The following EPC2 variants were observed in gnomAD, a reference collection of about 807,000 sequenced individuals.
The protein encoded by EPC2 is enhancer of polycomb homolog 2.
Under a neutral mutation model 92.1 loss-of-function variants are expected in EPC2, and 14 were observed. The observed-to-expected ratio is 0.15, with a 90% CI of 0.10 to 0.24. EPC2 has a LOEUF of 0.24. Among genes scored for constraint, EPC2 ranks in the 10% least tolerant of loss-of-function variants. The pLI, the probability that EPC2 is intolerant of heterozygous loss-of-function variation, is 1.00. For missense variants in EPC2, 755 were observed against 971.5 expected (o/e 0.78, Z 2.96); for synonymous variants, 340 against 334.7 (o/e 1.02, Z -0.17).
chr2:148,682,825 G>A (rs1301848015), intron 1 of EPC2, among the ~76,000 whole-genome samples: 1 of 152,036 alleles, frequency 6.6e-6, no homozygotes, highest in Non-Finnish European at 1.5e-5. Flanking sequence ...AATTTGAAAG[G>A]GTATTGCAAG....
At chr2:148,690,565 A>G (rs13432318) in intron 2 of EPC2, among the ~76,000 whole-genome samples, 192 bp downstream of exon 2, 1 of 152,182 alleles carries the variant, frequency 6.6e-6, no homozygotes, top group South Asian at 2.1e-4. Context: ...TTTAAGTAAC[A>G]TTTGGAACAT....
chr2:148,774,624 T>TATTATATATATATATATATATA (rs935978031), intron 10 of EPC2, among the ~76,000 whole-genome samples: 1,850 of 132,186 alleles, frequency 0.014, 59 homozygotes, highest in East Asian at 0.082. Context: ...AAAATATATT[T>TATTATATATATATATATATATA]TATATATATA....
chr2:148,678,756 C>T (rs1558806694), intron 1 of EPC2, among the ~76,000 whole-genome samples: 1 of 152,248 alleles, frequency 6.6e-6, no homozygotes, highest in South Asian at 2.1e-4. Context: ...CCCTGGTGCC[C>T]ACTTGTGCCT....
At chr2:148,762,637 A>G (rs751952039) in intron 5 of EPC2, 33 bp from the exon 6 acceptor site, 1 of 1,487,862 alleles carries the variant, frequency 6.7e-7, no homozygotes, top group Non-Finnish European at 9.0e-7. Context: ...CAAACTATGC[A>G]ATGTTTTCTT....
chr2:148,769,026 C>A lies in EPC2; in HGVS notation c.1141-125C>A, dbSNP rs553285786. ...TAGTCATTGAATGTTTTGGGGAATTCAGTACTTATGATATGTAATATAGAA... is the reference window on the plus strand; with the variant it reads ...TAGTCATTGAATGTTTTGGGGAATTAAGTACTTATGATATGTAATATAGAA... On this transcript the variant is annotated intron_variant, in intron 7 of 13. Coordinates refer to ENST00000258484, the MANE Select transcript of EPC2 (RefSeq NM_015630.4). 4.8e-5 allele frequency: 32 copies of A among 659,816 alleles called. 1 individual carries two copies. The South Asian group carries it at 6.1e-4, about 13-fold the overall frequency. 40.9% of individuals were successfully genotyped at this position (659,816 alleles called of 1,614,324 possible).
At chr2:148,688,828 C>G (rs2105370713) in intron 1 of EPC2, among the ~76,000 whole-genome samples, 1 of 152,214 alleles carries the variant, frequency 6.6e-6, no homozygotes, top group East Asian at 1.9e-4. Flanking sequence ...ATTAACAAAA[C>G]AAGCAAAAAT....
intron 3 of EPC2, among the ~76,000 whole-genome samples, chr2:148,751,600 C>T (rs1387232738): frequency 2.0e-5 from 3 of 152,016 alleles, no homozygotes; most frequent in Non-Finnish European, 4.4e-5. Flanking sequence ...GTGACTCTCC[C>T]GAGTAGCTAG....
At chr2:148,718,472 A>T (rs1440697745) in intron 2 of EPC2, among the ~76,000 whole-genome samples, 1 of 152,074 alleles carries the variant, frequency 6.6e-6, no homozygotes, top group African/African-American at 2.4e-5. Context: ...TCTGAAAAGG[A>T]TCTTATTTTT....
chr2:148,647,127 A>G (rs1317850082), intron 1 of EPC2, among the ~76,000 whole-genome samples: 8 of 152,146 alleles, frequency 5.3e-5, no homozygotes, highest in African/African-American at 1.9e-4. Flanking sequence ...AACAAAAAAA[A>G]GGAAATCTGT....
intron 2 of EPC2, among the ~76,000 whole-genome samples, chr2:148,726,768 T>G (rs960977570): frequency 1.3e-5 from 2 of 149,978 alleles, no homozygotes; most frequent in South Asian, 2.1e-4. Flanking sequence ...GTTTTTTGTT[T>G]TTTTTTTTTT....
At chr2:148,739,150 T>G (rs182608364) in intron 2 of EPC2, among the ~76,000 whole-genome samples, 4 of 152,350 alleles carry the variant, frequency 2.6e-5, no homozygotes, top group African/African-American at 9.6e-5. Flanking sequence ...AAGTGTGCTT[T>G]CTAAACTTTT....
chr2:148,736,848 T>G (rs1682767882), intron 2 of EPC2, among the ~76,000 whole-genome samples: 1 of 151,984 alleles, frequency 6.6e-6, no homozygotes, highest in African/African-American at 2.4e-5. Flanking sequence ...GCCTGTAGTT[T>G]CAGCAGTTTG....
chr2:148,671,466 TAGTC>T (rs1435711453), intron 1 of EPC2, among the ~76,000 whole-genome samples: 1 of 151,966 alleles, frequency 6.6e-6, no homozygotes, highest in Non-Finnish European at 1.5e-5. Context: ...ATATAAAAAT[TAGTC>T]AGGCATGGTG....
chr2:148,653,823 G>C (rs1047530414), intron 1 of EPC2, among the ~76,000 whole-genome samples: 1 of 151,974 alleles, frequency 6.6e-6, no homozygotes, highest in African/African-American at 2.4e-5. Flanking sequence ...TTGTGATTTA[G>C]GTTCCAATCC....
chr2:148,776,929 C>T (rs541734970), intron 10 of EPC2, among the ~76,000 whole-genome samples: 15 of 146,714 alleles, frequency 1.0e-4, no homozygotes, highest in African/African-American at 3.5e-4. Context: ...GGCACGATTC[C>T]GGCTCACTGC....
rs1163646235 is a variant in EPC2, at chr2:148,676,441, CTTTAT to C, written c.154-13767_154-13763del. The stretch of plus-strand genomic sequence containing the variant: ...GCAATATTTTTATAACATTAAAAAA[CTTTAT>C]TTTATAACATTAATATAATTAAAAA... On this transcript the variant is annotated intron_variant, in intron 1 of 13. Transcript: ENST00000258484. Among the ~76,000 whole-genome samples the C allele has an allele frequency of 5.9e-5, 9 of 151,846 alleles. No homozygotes were observed. In the East Asian group the frequency reaches 1.5e-3, roughly 26 times the overall value.
At chr2:148,687,592 T>TA (rs1353749542) in intron 1 of EPC2, among the ~76,000 whole-genome samples, 1 of 152,244 alleles carries the variant, frequency 6.6e-6, no homozygotes, top group Non-Finnish European at 1.5e-5. Flanking sequence ...TGATTTAACT[T>TA]ATTCTGACAA....
chr2:148,760,183 G>T (rs559560380), intron 4 of EPC2, among the ~76,000 whole-genome samples: 174 of 152,252 alleles, frequency 1.1e-3, no homozygotes, highest in African/African-American at 4.1e-3. Context: ...CTTGAACCTG[G>T]GAGGCAGAGG....
At chr2:148,706,267 A>G (rs937779835) in intron 2 of EPC2, among the ~76,000 whole-genome samples, 1 of 152,054 alleles carries the variant, frequency 6.6e-6, no homozygotes, top group Non-Finnish European at 1.5e-5. Flanking sequence ...TGAAGATCAA[A>G]TGAATGAAAT....
Sources: gnomAD v4.1 joint callset for allele counts (sites outside exome capture counted in the v4.1 genomes callset) on GRCh38, gnomAD v4.1.1 for gene constraint, MANE v1.5 for transcripts, NCBI Gene and HGNC (gene_info 2026-07-23, HGNC 2026-07-21) for gene names.